The following ST8SIA6 variants were observed in gnomAD, a reference collection of about 807,000 sequenced individuals.
ST8SIA6 encodes the protein alpha-2,8-sialyltransferase 8F.
A neutral mutation model predicts 33.6 loss-of-function variants in ST8SIA6; 39 were observed. The ratio of observed to expected loss-of-function variants is 1.16; its 90% CI spans 0.90 to 1.52. The LOEUF is 1.52. ST8SIA6 is among the 40% of genes most tolerant of loss of function. The pLI is 0.00. For synonymous variants in ST8SIA6, 172 were observed against 167.2 expected, an observed-to-expected ratio of 1.03 and a Z score of -0.22; for missense variants, 441 against 443.8, an observed-to-expected ratio of 0.99 and a Z score of 0.06.
At chr10:17,438,655 G>A (rs1852366511) in intron 2 of ST8SIA6, among the ~76,000 whole-genome samples, 1 of 152,052 alleles carries the variant, frequency 6.6e-6, no homozygotes, top group South Asian at 2.1e-4. Context: ...CTTTCTCTAA[G>A]CTAAGCTCTC....
At chr10:17,437,825 G>A (rs1032408200) in intron 2 of ST8SIA6, among the ~76,000 whole-genome samples, 1 of 151,846 alleles carries the variant, frequency 6.6e-6, no homozygotes, top group Non-Finnish European at 1.5e-5. Flanking sequence ...CTGCCCCCTG[G>A]GTTCAGGCGA....
chr10:17,407,510 C>T (rs1221413199), intron 2 of ST8SIA6, among the ~76,000 whole-genome samples: 2 of 152,210 alleles, frequency 1.3e-5, no homozygotes, highest in African/African-American at 4.8e-5. Context: ...CACCTTTCCC[C>T]ACCTTAGACC....
intron 3 of ST8SIA6, among the ~76,000 whole-genome samples, chr10:17,364,621 C>T (rs1849500180): frequency 6.6e-6 from 1 of 152,112 alleles, no homozygotes; most frequent in Non-Finnish European, 1.5e-5. Context: ...AAATCACCAA[C>T]AGCTTTTTGA....
chr10:17,397,225 T>A (rs958350355), intron 2 of ST8SIA6, among the ~76,000 whole-genome samples: 2 of 72,598 alleles, frequency 2.8e-5, no homozygotes, highest in African/African-American at 8.7e-5. Context: ...GTTTGCAAAT[T>A]GTTTTTTGTT....
At chr10:17,330,726 G>A (rs921035420) in intron 5 of ST8SIA6, among the ~76,000 whole-genome samples, 7 of 152,130 alleles carry the variant, frequency 4.6e-5, no homozygotes, top group East Asian at 1.9e-4. Context: ...ATAGAAAGAC[G>A]CTGGAGAGTG....
At chr10:17,352,458 A>G (rs1016028453) in intron 4 of ST8SIA6, among the ~76,000 whole-genome samples, 11 of 152,208 alleles carry the variant, frequency 7.2e-5, no homozygotes, top group African/African-American at 2.4e-4. Context: ...AGAAAGATCT[A>G]TCTACTTTGA....
chr10:17,382,130 G>A (rs182458647), intron 3 of ST8SIA6, among the ~76,000 whole-genome samples: 223 of 152,118 alleles, frequency 1.5e-3, no homozygotes, highest in African/African-American at 5.0e-3. Flanking sequence ...AAATAATTAC[G>A]TAAATGTAAT....
At chr10:17,397,226 G>GTTTTTTTTTTTTT (rs1483021820) in intron 2 of ST8SIA6, among the ~76,000 whole-genome samples, 1 of 80,060 alleles carries the variant, frequency 1.2e-5, no homozygotes, top group African/African-American at 5.0e-5. Context: ...TTTGCAAATT[G>GTTTTTTTTTTTTT]TTTTTTGTTT....
chr10:17,438,913 C>T (rs1404370215), intron 2 of ST8SIA6, among the ~76,000 whole-genome samples: 1 of 152,204 alleles, frequency 6.6e-6, no homozygotes, highest in South Asian at 2.1e-4. Flanking sequence ...ACCTTTTGAG[C>T]CTCTTCACAT....
rs3167993 is a variant in ST8SIA6, at chr10:17,320,095, T to C, written c.*783A>G. The C allele has an allele frequency of 0.42, 63,385 of 152,006 alleles. 15,318 individuals carry two copies. The highest frequency in any genetic ancestry group is 0.67 in the African/African-American group (27,593 of 41,448). The allele number at this position is 152,006 out of a possible 1,614,324, so 9.4% of individuals were successfully genotyped here. On this transcript the variant is annotated 3_prime_UTR_variant, in exon 8 of 8. Transcript: ENST00000377602. Reference sequence around the variant, plus strand: ...AAGTAGTTATTCAGTAATTTTAAAATAAAATTGAGTGAGTGACCCCACAGG... The same window carrying C: ...AAGTAGTTATTCAGTAATTTTAAAACAAAATTGAGTGAGTGACCCCACAGG...
At position 17,327,009 on chromosome 10, in the gene ST8SIA6, CT is replaced by C; in HGVS notation, c.635+4del. 1 of 1,590,926 alleles carries C rather than the reference CT, an allele frequency of 6.3e-7. No homozygotes were observed. The highest frequency in any genetic ancestry group is 8.5e-7 in the Non-Finnish European group (1 of 1,169,800). On this transcript the variant is annotated splice_donor_region_variant and intron_variant, in intron 6 of 7. Transcript: ENST00000377602. ...TTTCAAAGAAACCAATTTGTCAGGT[CT>C]TACCTAAAAACGAAGTCGGATTTAT... is the stretch of plus-strand genomic sequence containing the variant.
intron 2 of ST8SIA6, among the ~76,000 whole-genome samples, chr10:17,395,270 A>G (rs967140146): frequency 1.3e-5 from 2 of 152,150 alleles, no homozygotes; most frequent in African/African-American, 4.8e-5. Context: ...AGTCTCGGGT[A>G]TATCTTTATT....
At chr10:17,341,912 A>AAAAAAAC (rs1554787659) in intron 4 of ST8SIA6, among the ~76,000 whole-genome samples, 3 of 150,368 alleles carry the variant, frequency 2.0e-5, no homozygotes, top group African/African-American at 7.4e-5. Flanking sequence ...AAAAAAAAAA[A>AAAAAAAC]AAAAAAAAAC....
intron 2 of ST8SIA6, among the ~76,000 whole-genome samples, chr10:17,449,036 A>G (rs1313414499): frequency 1.3e-5 from 2 of 151,540 alleles, no homozygotes; most frequent in South Asian, 2.1e-4. Flanking sequence ...AAGATAAACA[A>G]AAAGTTCTAA....
chr10:17,404,461 C>A (rs957947065), intron 2 of ST8SIA6, among the ~76,000 whole-genome samples: 1 of 152,138 alleles, frequency 6.6e-6, no homozygotes, highest in Admixed American at 6.5e-5. Context: ...AACCAAGCTA[C>A]CCCAGTTCTT....
chr10:17,324,156 C>A (rs113116230), intron 6 of ST8SIA6, among the ~76,000 whole-genome samples: 2,859 of 152,196 alleles, frequency 0.019, 30 homozygotes, highest in African/African-American at 0.023. Context: ...TTCTAAATAT[C>A]ATTTACTGAA....
intron 2 of ST8SIA6, among the ~76,000 whole-genome samples, chr10:17,399,696 G>T (rs1353688379): frequency 6.6e-6 from 1 of 151,656 alleles, no homozygotes; most frequent in Non-Finnish European, 1.5e-5. Flanking sequence ...GTAGGGGAGG[G>T]TCTTGAGCCT....
In ST8SIA6 at chr10:17,319,412, G is replaced by A. The variant is rs1469397847; in HGVS notation, c.*1466C>T. Among the ~76,000 whole-genome samples, 8 of 152,120 alleles carry A rather than the reference G, an allele frequency of 5.3e-5. No homozygotes were observed. Among genetic ancestry groups the A allele is most frequent in the Non-Finnish European group, 1.2e-4 (8 of 68,010 alleles). On this transcript the variant is annotated 3_prime_UTR_variant, in exon 8 of 8. Transcript: ENST00000377602. ...TAACGTGAATCTAGGTAGGATTGTTGTAAAATTTCACACGTGCTTTTAGGA... is the reference window on the plus strand; with the variant it reads ...TAACGTGAATCTAGGTAGGATTGTTATAAAATTTCACACGTGCTTTTAGGA...
intron 2 of ST8SIA6, among the ~76,000 whole-genome samples, chr10:17,420,873 G>A (rs924693017): frequency 6.6e-6 from 1 of 152,240 alleles, no homozygotes; most frequent in Non-Finnish European, 1.5e-5. Context: ...CGTGGCGGAA[G>A]GCAAAGGGAA....
Sources: allele counts gnomAD v4.1 joint callset (sites outside exome capture counted in the v4.1 genomes callset), GRCh38; gene constraint gnomAD v4.1.1; transcripts MANE v1.5; gene names NCBI Gene and HGNC (gene_info 2026-07-23, HGNC 2026-07-21).